The following TMEM163 variants were observed in gnomAD, a reference collection of about 807,000 sequenced individuals.
The protein encoded by TMEM163 is transmembrane protein 163.
In TMEM163, 17 loss-of-function variants were observed where a neutral mutation model predicts 29.3. The observed-to-expected ratio is 0.58, with a 90% CI of 0.40 to 0.87. The LOEUF is 0.87. Among genes scored for constraint, TMEM163 ranks in the 40% least tolerant of loss-of-function variants. The probability of loss-of-function intolerance (pLI) is 0.00; values close to 1 mark genes in which losing one functional copy is unlikely to be tolerated. For missense variants in TMEM163, 303 were observed against 381.5 expected, an observed-to-expected ratio of 0.79 and a Z score of 1.71; for synonymous variants, 157 against 160.6, an observed-to-expected ratio of 0.98 and a Z score of 0.17.
rs945466951 is a variant in TMEM163, at chr2:134,529,487, A to G, written c.458+21083T>C. Among the ~76,000 whole-genome samples the G allele has an allele frequency of 7.9e-5, 12 of 151,890 alleles. 1 individual carries two copies. The highest frequency in any genetic ancestry group is 2.9e-4 in the African/African-American group (12 of 41,358). On this transcript the variant is annotated intron_variant, in intron 4 of 7. Transcript: ENST00000281924. ...TTTTTGGTCAGGCATGGTGGCTCACATCTGTAATTCAGCACTTTGGGGGGT... is the reference window on the plus strand; with the variant it reads ...TTTTTGGTCAGGCATGGTGGCTCACGTCTGTAATTCAGCACTTTGGGGGGT...
At chr2:134,703,880 T>C (rs955779048) in intron 2 of TMEM163, among the ~76,000 whole-genome samples, 2 of 152,078 alleles carry the variant, frequency 1.3e-5, no homozygotes, top group Non-Finnish European at 2.9e-5. Flanking sequence ...AATATCTTTA[T>C]TTGGTTATTC....
chr2:134,518,911 T>C (rs1428371868), intron 4 of TMEM163, among the ~76,000 whole-genome samples: 1 of 152,182 alleles, frequency 6.6e-6, no homozygotes, highest in Admixed American at 6.5e-5. Context: ...TATATTATAC[T>C]GTCAAAATAA....
In TMEM163 at chr2:134,484,869, T is replaced by C. The variant is rs114032981; in HGVS notation, c.555+18032A>G. On this transcript the variant is annotated intron_variant, in intron 5 of 7. Coordinates refer to ENST00000281924, the MANE Select transcript of TMEM163 (RefSeq NM_030923.5). ...AGCAGCAGCAACCTGCACATGTTAC[T>C]TAGAGGTGTGGAGGTTGAAAGGAGT... 6.0e-3 allele frequency among the ~76,000 whole-genome samples: 914 copies of C among 152,262 alleles called. 6 individuals carry two copies. The highest frequency in any genetic ancestry group is 0.024 in the Middle Eastern group (7 of 294).
intron 2 of TMEM163, among the ~76,000 whole-genome samples, chr2:134,561,259 A>T (rs1214542959): frequency 6.6e-6 from 1 of 152,232 alleles, no homozygotes; most frequent in Non-Finnish European, 1.5e-5. Flanking sequence ...GCTGGAGCGC[A>T]GTGACGCCAT....
chr2:134,511,789 G>A (rs1047399280), intron 4 of TMEM163, among the ~76,000 whole-genome samples: 4 of 152,220 alleles, frequency 2.6e-5, no homozygotes, highest in African/African-American at 7.2e-5. Flanking sequence ...TTAGCCAACT[G>A]TTTATTTCAA....
At chr2:134,675,398 G>A (rs1176677971) in intron 2 of TMEM163, among the ~76,000 whole-genome samples, 1 of 152,152 alleles carries the variant, frequency 6.6e-6, no homozygotes, top group Non-Finnish European at 1.5e-5. Context: ...TATCGCCTGA[G>A]GTTTTTCAAA....
intron 5 of TMEM163, among the ~76,000 whole-genome samples, chr2:134,478,654 TAAAAGGGAAGCAGAG>T (rs1353342371): frequency 6.6e-6 from 1 of 152,052 alleles, no homozygotes; most frequent in African/African-American, 2.4e-5. Flanking sequence ...AACTTAAAAT[TAAAAGGGAAGCAGAG>T]TGTTAAAAGT....
intron 5 of TMEM163, among the ~76,000 whole-genome samples, chr2:134,478,953 G>A (rs1686980730): frequency 6.6e-6 from 1 of 152,160 alleles, no homozygotes; most frequent in South Asian, 2.1e-4. Flanking sequence ...CTCATCCTGG[G>A]GTGGAAGGGG....
At chr2:134,495,264 T>G (rs4954149) in intron 5 of TMEM163, among the ~76,000 whole-genome samples, 20,298 of 151,944 alleles carry the variant, frequency 0.13, 1,702 homozygotes, top group Middle Eastern at 0.3. Flanking sequence ...CATTTCCAAG[T>G]AGGAAAGCAG....
chr2:134,584,445 T>C (rs1344738590), intron 2 of TMEM163, among the ~76,000 whole-genome samples: 1 of 152,194 alleles, frequency 6.6e-6, no homozygotes, highest in Non-Finnish European at 1.5e-5. Flanking sequence ...GAGATCATTA[T>C]GTAGGATAGC....
At chr2:134,536,918 AGAT>A (rs1472960903) in intron 4 of TMEM163, among the ~76,000 whole-genome samples, 3 of 152,246 alleles carry the variant, frequency 2.0e-5, no homozygotes, top group Admixed American at 6.5e-5. Flanking sequence ...AATTATCAGC[AGAT>A]GATCACAGTA....
chr2:134,473,264 G>A lies in TMEM163; in HGVS notation c.556-7039C>T, dbSNP rs966263493. Among the ~76,000 whole-genome samples the A allele has an allele frequency of 3.3e-5, 5 of 152,202 alleles. 1 individual carries two copies. Among genetic ancestry groups the A allele is most frequent in the Non-Finnish European group, 2.9e-5 (2 of 68,008 alleles). ...GAAATCAATGAGACAGACCAGGTGC[G>A]GTGGCTCACAACTGTAATCCCAGGA... On this transcript the variant is annotated intron_variant, in intron 5 of 7. Coordinates refer to ENST00000281924, the MANE Select transcript of TMEM163 (RefSeq NM_030923.5).
chr2:134,643,583 C>T lies in TMEM163; in HGVS notation c.322+69617G>A, dbSNP rs187695447. Reference sequence around the variant, plus strand: ...ATGAATATGATGCAAAAATCCTCAACAAAATACTAATAAAAAGAATTCAGC... The same window carrying T: ...ATGAATATGATGCAAAAATCCTCAATAAAATACTAATAAAAAGAATTCAGC... On this transcript the variant is annotated intron_variant, in intron 2 of 7. Transcript: ENST00000281924. Among the ~76,000 whole-genome samples, 199 of 150,950 alleles carry T rather than the reference C, an allele frequency of 1.3e-3. 3 individuals carry two copies. The East Asian group carries it at 0.031, about 23-fold the overall frequency.
chr2:134,648,015 C>T (rs970746427), intron 2 of TMEM163, among the ~76,000 whole-genome samples: 1 of 152,196 alleles, frequency 6.6e-6, no homozygotes, highest in Non-Finnish European at 1.5e-5. Flanking sequence ...GGAGGGTCAG[C>T]GTGACAGCCT....
chr2:134,483,424 C>T (rs1679240502), intron 5 of TMEM163, among the ~76,000 whole-genome samples: 1 of 152,186 alleles, frequency 6.6e-6, no homozygotes, highest in South Asian at 2.1e-4. Flanking sequence ...CCTGCTTTTG[C>T]TCCCTGCATT....
At chr2:134,606,384 T>C (rs1384828454) in intron 2 of TMEM163, among the ~76,000 whole-genome samples, 1 of 151,840 alleles carries the variant, frequency 6.6e-6, no homozygotes, top group Middle Eastern at 3.2e-3. Context: ...AATGCCATGT[T>C]CCTCCCTCTG....
In TMEM163 at chr2:134,718,923, C is replaced by T; in HGVS notation, c.13G>A (p.Ala5Thr). 1 of 1,057,430 alleles carries T rather than the reference C, an allele frequency of 9.5e-7. No homozygotes were observed. The highest frequency in any genetic ancestry group is 1.1e-6 in the Non-Finnish European group (1 of 878,406). The allele number at this position is 1,057,430 out of a possible 1,614,324, so 65.5% of individuals were successfully genotyped here. A position where few individuals can be genotyped will look rare whatever the true frequency, so the allele number is the denominator to read the frequency against. MEPAAGIQRRSSQGP... is the reference protein window; with the variant it reads MEPATGIQRRSSQGP... ...TGGGAGCTGCGGCGCTGGATGCCCG[C>T]GGCCGGCTCCATGGCGCGGGGCTGC... The change falls in exon 1 of 8, where the codon GCG becomes ACG. Residue 5 changes from alanine (A) to threonine (T), a missense_variant. By Grantham distance (58) the Ala-to-Thr change is moderately conservative. Around this residue, in one of 2 missense-constraint regions of TMEM163, gnomAD observed 100 missense variants for 87.2 expected, o/e 1.15. Transcript: ENST00000281924.
intron 5 of TMEM163, among the ~76,000 whole-genome samples, chr2:134,478,159 G>T (rs1294555212): frequency 1.3e-5 from 2 of 152,142 alleles, no homozygotes; most frequent in South Asian, 2.1e-4. Flanking sequence ...GCCCTCACTA[G>T]AAGTCCAGCA....
At position 134,524,246 on chromosome 2, in the gene TMEM163, TGG is replaced by T. The variant is rs1443508333; in HGVS notation, c.459-21251_459-21250del. ...TGGTTACACACGAGAATTACCCAGG[TGG>T]CTTAACACTTGGGTCCCACACTCAG... On this transcript the variant is annotated intron_variant, in intron 4 of 7. Transcript: ENST00000281924. Among the ~76,000 whole-genome samples, 89 of 152,310 alleles carry T rather than the reference TGG, an allele frequency of 5.8e-4. 1 individual carries two copies. The East Asian group carries it at 0.016, about 28-fold the overall frequency.
Sources: allele counts gnomAD v4.1 joint callset (sites outside exome capture counted in the v4.1 genomes callset), GRCh38; gene constraint gnomAD v4.1.1; regional missense constraint gnomAD v4.1.1; transcripts MANE v1.5; gene names NCBI Gene and HGNC (gene_info 2026-07-23, HGNC 2026-07-21).